Variants in TRPS1 observed in about 807,000 individuals in gnomAD.
The protein encoded by TRPS1 is zinc finger transcription factor Trps1.
Under a neutral mutation model 101.2 loss-of-function variants are expected in TRPS1, and 6 were observed. The observed-to-expected ratio is 0.06, with a 90% CI of 0.03 to 0.12. TRPS1 has a LOEUF of 0.12. Among genes scored for constraint, TRPS1 ranks in the 10% least tolerant of loss-of-function variants. The pLI is 1.00. For missense variants in TRPS1, 1,363 were observed against 1,567.0 expected (o/e 0.87, Z 2.20); for synonymous variants, 578 against 589.8 (o/e 0.98, Z 0.29).
intron 5 of TRPS1, among the ~76,000 whole-genome samples, chr8:115,451,844 T>C (rs997120784): frequency 6.6e-6 from 1 of 152,142 alleles, no homozygotes; most frequent in Non-Finnish European, 1.5e-5. Context: ...TCAGAAGTGT[T>C]GAAAGAAAGG....
At chr8:115,665,654 T>C (rs998985317) in intron 1 of TRPS1, among the ~76,000 whole-genome samples, 8 of 152,172 alleles carry the variant, frequency 5.3e-5, no homozygotes, top group African/African-American at 1.9e-4. Context: ...GAAAATTTTA[T>C]AAAATCATTT....
At chr8:115,566,483 A>T (rs1171315304) in intron 5 of TRPS1, among the ~76,000 whole-genome samples, 1 of 152,152 alleles carries the variant, frequency 6.6e-6, no homozygotes, top group Non-Finnish European at 1.5e-5. Flanking sequence ...GGCTTAGGGA[A>T]GCAATGATTT....
At chr8:115,584,744 G>A (rs746625409) in intron 5 of TRPS1, among the ~76,000 whole-genome samples, 1 of 151,522 alleles carries the variant, frequency 6.6e-6, no homozygotes, top group Non-Finnish European at 1.5e-5. Flanking sequence ...AATTCACAAT[G>A]AGAATGGGCT....
At chr8:115,575,282 A>C (rs1191763816) in intron 5 of TRPS1, among the ~76,000 whole-genome samples, 1 of 152,160 alleles carries the variant, frequency 6.6e-6, no homozygotes, top group African/African-American at 2.4e-5. Context: ...TGAAGTCAAT[A>C]AATATGATGT....
intron 5 of TRPS1, among the ~76,000 whole-genome samples, chr8:115,442,728 G>A (rs1813635092): frequency 6.6e-6 from 1 of 151,936 alleles, no homozygotes; most frequent in Non-Finnish European, 1.5e-5. Context: ...TTGGGATGCT[G>A]AGGCGGGCGG....
chr8:115,543,101 C>T (rs571344293), intron 5 of TRPS1, among the ~76,000 whole-genome samples: 24 of 150,992 alleles, frequency 1.6e-4, no homozygotes, highest in African/African-American at 4.4e-4. Context: ...AAAGGACAGA[C>T]GGGTAAAAAA....
chr8:115,459,324 A>AAATAATAATGAT (rs138878774), intron 5 of TRPS1, among the ~76,000 whole-genome samples: 1 of 149,850 alleles, frequency 6.7e-6, no homozygotes, highest in Non-Finnish European at 1.5e-5. Context: ...ACTCTGTCTC[A>AAATAATAATGAT]AATAATAATA....
chr8:115,554,978 G>A (rs1816784065), intron 5 of TRPS1, among the ~76,000 whole-genome samples: 1 of 152,132 alleles, frequency 6.6e-6, no homozygotes, highest in Non-Finnish European at 1.5e-5. Flanking sequence ...GCGAAAATAA[G>A]TGGTTCTACC....
At chr8:115,487,124 G>T (rs1476836370) in intron 5 of TRPS1, among the ~76,000 whole-genome samples, 1 of 152,068 alleles carries the variant, frequency 6.6e-6, no homozygotes, top group Non-Finnish European at 1.5e-5. Flanking sequence ...AAAATACCTG[G>T]AGCCCTTAAG....
intron 5 of TRPS1, among the ~76,000 whole-genome samples, chr8:115,544,240 T>G (rs1254261530): frequency 2.0e-5 from 3 of 151,278 alleles, no homozygotes; most frequent in Non-Finnish European, 4.4e-5. Flanking sequence ...GCCAGCCACT[T>G]GCCTTCTTCA....
chr8:115,489,419 C>T (rs997637607), intron 5 of TRPS1, among the ~76,000 whole-genome samples: 19 of 152,086 alleles, frequency 1.2e-4, no homozygotes, highest in Non-Finnish European at 2.8e-4. Context: ...CAGAATTTTT[C>T]GTGCAGTATG....
At chr8:115,491,697 A>G (rs1033088504) in intron 5 of TRPS1, among the ~76,000 whole-genome samples, 3 of 151,950 alleles carry the variant, frequency 2.0e-5, no homozygotes, top group Non-Finnish European at 4.4e-5. Flanking sequence ...GAAAGAAAGA[A>G]AGAGAGAGAG....
chr8:115,595,508 T>C (rs1457562056), intron 4 of TRPS1, among the ~76,000 whole-genome samples: 1 of 151,892 alleles, frequency 6.6e-6, no homozygotes, highest in Non-Finnish European at 1.5e-5. Flanking sequence ...ATAATCTGAT[T>C]AGGATTTGCT....
chr8:115,570,982 C>G (rs2130395211), intron 5 of TRPS1, among the ~76,000 whole-genome samples: 1 of 152,170 alleles, frequency 6.6e-6, no homozygotes, highest in East Asian at 1.9e-4. Flanking sequence ...TGGGCTGGTC[C>G]ACTGGATCAA....
intron 5 of TRPS1, among the ~76,000 whole-genome samples, chr8:115,443,054 C>G (rs1472085234): frequency 6.6e-6 from 1 of 151,634 alleles, no homozygotes; most frequent in Admixed American, 6.6e-5. Flanking sequence ...CGAGATCTTG[C>G]CACTGCACTC....
chr8:115,549,799 T>A (rs1171154860), intron 5 of TRPS1, among the ~76,000 whole-genome samples: 1 of 151,778 alleles, frequency 6.6e-6, no homozygotes, highest in East Asian at 1.9e-4. Flanking sequence ...TTTTGGGGAG[T>A]GCTTTTCATA....
intron 4 of TRPS1, among the ~76,000 whole-genome samples, chr8:115,593,136 G>A (rs1817714464): frequency 6.6e-6 from 1 of 152,070 alleles, no homozygotes; most frequent in South Asian, 2.1e-4. Flanking sequence ...AATTTTTTAT[G>A]AATGGCAACA....
Position 115,414,334 on chromosome 8 carries a change from C to G in TRPS1, c.3574G>C (p.Gly1192Arg), listed in dbSNP as rs1004948211. 1 of 1,613,788 alleles carries G rather than the reference C, an allele frequency of 6.2e-7. No individual in the cohort carries two copies. The highest frequency in any genetic ancestry group is 1.3e-5 in the African/African-American group (1 of 74,894). The change falls in exon 7 of 7, where the codon GGT (glycine) becomes CGT (arginine). Residue 1192 changes from glycine to arginine, a missense_variant. Physicochemically the swap from Gly to Arg is moderately radical, Grantham distance 125. This residue lies in a region of TRPS1 where 307 missense variants were observed against 392.4 expected (regional missense o/e 0.78). Transcript: ENST00000395715. This position sits in a 1 kb window ranked among gnomAD's most constrained non-coding sequence, Gnocchi z 4.8. ...GCCTTCGTTTTCTCCTTGGAGGCAC[C>G]GTTTGCAGTTGGCCCAGGTCTGGAA... ...KHSRPGPTAN[G>R]ASKEKTKAPP...
At chr8:115,657,948 T>G (rs558786726) in intron 1 of TRPS1, among the ~76,000 whole-genome samples, 431 of 151,958 alleles carry the variant, frequency 2.8e-3, no homozygotes, top group South Asian at 7.1e-3. Flanking sequence ...AGCTTACACA[T>G]TTTTCCACTG....
Sources: gnomAD v4.1 joint callset for allele counts (sites outside exome capture counted in the v4.1 genomes callset) on GRCh38, gnomAD v4.1.1 for gene constraint, gnomAD v4.1.1 regional missense constraint, Gnocchi (gnomAD v3.1) non-coding constraint, MANE v1.5 for transcripts, NCBI Gene and HGNC (gene_info 2026-07-23, HGNC 2026-07-21) for gene names.